Variants in PNPLA6 observed in about 807,000 individuals in gnomAD.
PNPLA6 encodes patatin-like phospholipase domain-containing protein 6.
A neutral mutation model predicts 153.7 loss-of-function variants in PNPLA6; 105 were observed. The observed-to-expected ratio is 0.68, with a 90% CI of 0.58 to 0.80. The LOEUF (loss-of-function observed/expected upper bound fraction) is 0.80. Among genes scored for constraint, PNPLA6 ranks in the 30% least tolerant of loss-of-function variants. The probability of loss-of-function intolerance (pLI) is 0.00; values close to 1 mark genes in which losing one functional copy is unlikely to be tolerated. For synonymous variants in PNPLA6, 825 were observed against 822.2 expected, an observed-to-expected ratio of 1.00 and a Z score of -0.06; for missense variants, 1,423 against 1,919.3, an observed-to-expected ratio of 0.74 and a Z score of 4.83.
rs771196056 is a variant in PNPLA6, at chr19:7,539,910, CCCA to C, written c.414-4_414-2del. ...CCCTCACCCCCGGCACCCCTCCCCT[CCCA>C]CCAGGATCCTGCGCATCCAGAAAGA... is the stretch of plus-strand genomic sequence containing the variant. On this transcript the variant is annotated splice_polypyrimidine_tract_variant and splice_region_variant and intron_variant, in intron 3 of 31. Coordinates refer to ENST00000600737, the MANE Select transcript of PNPLA6 (RefSeq NM_001166114.2). 8.2e-5 allele frequency: 126 copies of C among 1,535,500 alleles called. No homozygotes were observed. The highest frequency in any genetic ancestry group is 9.5e-5 in the Non-Finnish European group (108 of 1,141,628).
chr19:7,551,105 C>A lies in PNPLA6; in HGVS notation c.2182C>A (p.Gln728Lys), dbSNP rs889723987. The A allele has an allele frequency of 3.3e-6, 5 of 1,531,868 alleles. No individual in the cohort carries two copies. Among genetic ancestry groups the A allele is most frequent in the Non-Finnish European group, 4.4e-6 (5 of 1,134,672 alleles). 94.9% of individuals were successfully genotyped at this position (1,531,868 alleles called of 1,614,324 possible). Residue 728 changes from glutamine (Q) to lysine (K), a missense_variant and splice_region_variant, in exon 17 of 32, where the codon CAG becomes AAG. Coordinates refer to ENST00000600737, the MANE Select transcript of PNPLA6 (RefSeq NM_001166114.2). ...GGGTCACATCAAACGCCGGTACCCG[C>A]AGGTGCGGCCTGTTGTGGGCGGGGC... ...TLGHIKRRYP[Q>K]VVTRLIHLLS...
rs539949077 is a variant in PNPLA6, at chr19:7,551,035, C to T, written c.2112C>T (p.His704=). Residue 704 remains histidine (H), a synonymous_variant, in exon 17 of 32, where the codon CAC becomes CAT. Coordinates refer to ENST00000600737, the MANE Select transcript of PNPLA6 (RefSeq NM_001166114.2). ...LTRQPRATTV[H]AVRDTELAKL... ...GGCAGCCGCGAGCCACGACGGTGCA[C>T]GCGGTGCGCGACACGGAGCTGGCCA... The T allele has an allele frequency of 1.9e-6, 3 of 1,549,244 alleles. No homozygotes were observed. Among genetic ancestry groups the T allele is most frequent in the Admixed American group, 3.9e-5 (2 of 51,016 alleles).
At chr19:7,554,499 G>A in intron 20 of PNPLA6, 56 bp from the exon 21 acceptor site, 1 of 1,592,472 alleles carries the variant, frequency 6.3e-7, no homozygotes, top group Non-Finnish European at 8.6e-7. Context: ...GTGGTCTCGG[G>A]GAGCACACTG....
intron 12 of PNPLA6, 37 bp from the exon 13 acceptor site, chr19:7,542,970 C>G (rs980220578): frequency 6.2e-7 from 1 of 1,613,724 alleles, no homozygotes; most frequent in Non-Finnish European, 8.5e-7. Flanking sequence ...GCAAGGGAGG[C>G]CTGGCTGCGC....
At position 7,539,951 on chromosome 19, in the gene PNPLA6, G is replaced by C; in HGVS notation, c.447G>C (p.Leu149=). 1 of 1,566,510 alleles carries C rather than the reference G, an allele frequency of 6.4e-7. No individual in the cohort carries two copies. The highest frequency in any genetic ancestry group is 8.6e-7 in the Non-Finnish European group (1 of 1,156,614). ...GCATCCAGAAAGAGACGCCCACGCTGCAGCGGAAGGAGCCCCCGCCCGCAG... is the reference window on the plus strand; with the variant it reads ...GCATCCAGAAAGAGACGCCCACGCTCCAGCGGAAGGAGCCCCCGCCCGCAG... ...ILRIQKETPT[L]QRKEPPPAVL... Residue 149 remains leucine, a synonymous_variant, in exon 4 of 32, where the codon CTG becomes CTC. Transcript: ENST00000600737.
intron 2 of PNPLA6, 68 bp from the exon 3 acceptor site, chr19:7,536,380 CT>C: frequency 3.6e-6 from 5 of 1,392,844 alleles, no homozygotes; most frequent in Non-Finnish European, 5.1e-6. Context: ...TGGAGACCCC[CT>C]GGATCCGTCT....
intron 3 of PNPLA6, among the ~76,000 whole-genome samples, chr19:7,538,398 G>T (rs1717820387): frequency 6.6e-6 from 1 of 151,834 alleles, no homozygotes; most frequent in Non-Finnish European, 1.5e-5. Flanking sequence ...GCCTGGGCTA[G>T]TCTTGAACTC....
rs774833130 is a variant in PNPLA6, at chr19:7,560,675, G to C, written c.3727G>C (p.Val1243Leu). ...TGTGGGCTACCAGTACGGGAAGGCG[G>C]TGTTTGGAGGCTGGAGCCGTGGCAA... ...YDVGYQYGKAVFGGWSRGNVI... is the reference protein window; with the variant it reads ...YDVGYQYGKALFGGWSRGNVI... The change falls in exon 29 of 32, where the codon GTG (valine) becomes CTG (leucine). Residue 1243 changes from valine (V) to leucine (L), a missense_variant. This residue lies in a region of PNPLA6 where 643 missense variants were observed against 835.2 expected (regional missense o/e 0.77). Coordinates refer to ENST00000600737, the MANE Select transcript of PNPLA6 (RefSeq NM_001166114.2). The C allele has an allele frequency of 6.2e-7, 1 of 1,613,728 alleles. No homozygotes were observed. Among genetic ancestry groups the C allele is most frequent in the South Asian group, 1.1e-5 (1 of 91,076 alleles).
chr19:7,555,816 G>A lies in PNPLA6; in HGVS notation c.3093+53G>A. On this transcript the variant is annotated intron_variant, in intron 24 of 31. Transcript: ENST00000600737. The surrounding 1 kb of genome is among the most constrained non-coding windows in gnomAD (Gnocchi z 6.3). ...ACCCCAGGAGTGCCATAAAACCCGTGGTTCCAACCTAACCTGATCCCATGG... is the reference window on the plus strand; with the variant it reads ...ACCCCAGGAGTGCCATAAAACCCGTAGTTCCAACCTAACCTGATCCCATGG... 1.9e-6 allele frequency: 3 copies of A among 1,591,834 alleles called. No individual in the cohort carries two copies. The highest frequency in any genetic ancestry group is 2.6e-6 in the Non-Finnish European group (3 of 1,166,688).
intron 13 of PNPLA6, among the ~76,000 whole-genome samples, chr19:7,547,811 A>ATTTTTTT (rs71286227): frequency 1.0e-4 from 12 of 114,554 alleles, no homozygotes; most frequent in Admixed American, 2.0e-4. Context: ...CTAATTAAAA[A>ATTTTTTT]TTTTTTTTTT....
chr19:7,542,733 CAGG>C, intron 11 of PNPLA6, 25 bp from the exon 12 acceptor site: 1 of 1,612,786 alleles, frequency 6.2e-7, no homozygotes, highest in Non-Finnish European at 8.5e-7. Context: ...GAGGGAGCAT[CAGG>C]AGGTCACAAG....
chr19:7,537,548 G>C (rs1750784109), intron 3 of PNPLA6, among the ~76,000 whole-genome samples: 1 of 152,220 alleles, frequency 6.6e-6, no homozygotes, highest in Non-Finnish European at 1.5e-5. Context: ...GCGTCATGTA[G>C]TCTACCTGGA....
chr19:7,550,841 C>T, intron 16 of PNPLA6, 153 bp from the exon 17 acceptor site: 2 of 893,490 alleles, frequency 2.2e-6, no homozygotes, highest in Non-Finnish European at 3.5e-6. Context: ...CTCTCCCTCT[C>T]CCCAGAGCTC....
At chr19:7,559,180 G>GCATA (rs2024007249) in intron 28 of PNPLA6, 29 bp downstream of exon 28, 1 of 1,600,978 alleles carries the variant, frequency 6.2e-7, no homozygotes, top group African/African-American at 1.3e-5. Flanking sequence ...CATGGTGCCT[G>GCATA]CATAGGTGGT....
rs748031664 is a variant in PNPLA6 at position 7,554,970 on chromosome 19, C to T, written c.2712C>T (p.Gly904=). ...TGCTCCACCGAGAGGAGGGCGCGGGCCCCACGCGCACCGTGGAGTGGCTAA... is the reference window on the plus strand; with the variant it reads ...TGCTCCACCGAGAGGAGGGCGCGGGTCCCACGCGCACCGTGGAGTGGCTAA... ...LVLLHREEGA[G]PTRTVEWLNM... is the part of the protein sequence containing the mutation. Residue 904 remains glycine (G), a synonymous_variant, in exon 22 of 32, where the codon GGC becomes GGT. Transcript: ENST00000600737. The T allele has an allele frequency of 6.7e-5, 107 of 1,591,136 alleles. No homozygotes were observed. In the Admixed American group the frequency reaches 1.8e-3, roughly 26 times the overall value.
intron 14 of PNPLA6, 48 bp from the exon 15 acceptor site, chr19:7,550,250 A>C: frequency 6.2e-7 from 1 of 1,612,816 alleles, no homozygotes; most frequent in African/African-American, 1.3e-5. Flanking sequence ...GCGCCGGTGT[A>C]GGACGGTTTT....
In PNPLA6 at chr19:7,541,546, C is replaced by T. The variant is rs2146056016; in HGVS notation, c.1030C>T (p.Pro344Ser). ...GGAGATCCAGCCCCTGCGTCTGTTC[C>T]CCAGCCCCGGCCTCCCAACTCGCAC... is the stretch of plus-strand genomic sequence containing the variant. ...SHEIQPLRLF[P>S]SPGLPTRTSP... is the part of the protein sequence containing the mutation. The change falls in exon 9 of 32, where the codon CCC becomes TCC. Residue 344 changes from proline to serine, a missense_variant. Coordinates refer to ENST00000600737, the MANE Select transcript of PNPLA6 (RefSeq NM_001166114.2). The surrounding 1 kb of genome is among the most constrained non-coding windows in gnomAD (Gnocchi z 5.2). 4.4e-6 allele frequency: 7 copies of T among 1,604,616 alleles called. No individual in the cohort carries two copies. The highest frequency in any genetic ancestry group is 6.0e-6 in the Non-Finnish European group (7 of 1,175,836).
chr19:7,552,930 T>C (rs1440561801), intron 18 of PNPLA6, among the ~76,000 whole-genome samples: 2 of 150,834 alleles, frequency 1.3e-5, no homozygotes, highest in Non-Finnish European at 2.9e-5. Context: ...ACTTGACAAC[T>C]AAGATGGGGC....
chr19:7,542,634 A>G lies in PNPLA6; in HGVS notation c.1326A>G (p.Glu442=). The G allele has an allele frequency of 6.2e-7, 1 of 1,613,480 alleles. No individual in the cohort carries two copies. The highest frequency in any genetic ancestry group is 8.5e-7 in the Non-Finnish European group (1 of 1,179,964). The change falls in exon 11 of 32, where the codon GAA becomes GAG. Residue 442 remains glutamate (E), a synonymous_variant. Transcript: ENST00000600737. Reference sequence around the variant, plus strand: ...GCCGGATCTCCGTGTCCCTGCAGGAAGAGGCCTCCGGGGGGTCCCTGGCAG... The same window carrying G: ...GCCGGATCTCCGTGTCCCTGCAGGAGGAGGCCTCCGGGGGGTCCCTGGCAG... The part of the protein sequence containing the change: ...ERGRISVSLQ[E]EASGGSLAAP...
Sources: allele counts gnomAD v4.1 joint callset (sites outside exome capture counted in the v4.1 genomes callset), GRCh38; gene constraint gnomAD v4.1.1; regional missense constraint gnomAD v4.1.1; non-coding constraint Gnocchi (gnomAD v3.1); transcripts MANE v1.5; gene names NCBI Gene and HGNC (gene_info 2026-07-23, HGNC 2026-07-21).